The following PTPRG variants were observed in gnomAD, a reference collection of about 807,000 sequenced individuals.
PTPRG encodes receptor-type tyrosine-protein phosphatase gamma.
A neutral mutation model predicts 165.3 loss-of-function variants in PTPRG; 102 were observed. That is an observed-to-expected ratio of 0.62 (90% CI 0.53 to 0.73). PTPRG has a LOEUF of 0.73. Ranked by LOEUF, PTPRG falls within the 30% of genes least tolerant of loss-of-function variation. The pLI, the probability that PTPRG is intolerant of heterozygous loss-of-function variation, is 0.00. For synonymous variants in PTPRG, 675 were observed against 669.5 expected, an observed-to-expected ratio of 1.01 and a Z score of -0.13; for missense variants, 1,866 against 1,861.4, an observed-to-expected ratio of 1.00 and a Z score of -0.05.
chr3:62,194,408 A>G (rs1699909236), intron 9 of PTPRG, among the ~76,000 whole-genome samples: 1 of 152,154 alleles, frequency 6.6e-6, no homozygotes, highest in Non-Finnish European at 1.5e-5. Flanking sequence ...TCAGAACCCC[A>G]CAGCTTGTGA....
At chr3:61,970,407 A>G (rs1324206630) in intron 2 of PTPRG, among the ~76,000 whole-genome samples, 1 of 152,192 alleles carries the variant, frequency 6.6e-6, no homozygotes, top group Non-Finnish European at 1.5e-5. Flanking sequence ...TGAAGAAAAC[A>G]CAGTTGCCTT....
At chr3:62,010,221 A>G (rs2041389051) in intron 4 of PTPRG, among the ~76,000 whole-genome samples, 1 of 152,130 alleles carries the variant, frequency 6.6e-6, no homozygotes. Context: ...CCTGGCCTGG[A>G]AATAAGTGTG....
chr3:61,755,323 T>C (rs748487898), intron 2 of PTPRG, among the ~76,000 whole-genome samples: 2 of 152,170 alleles, frequency 1.3e-5, no homozygotes, highest in Non-Finnish European at 2.9e-5. Context: ...AGAGACCTTC[T>C]GATCGGAAGG....
Position 61,834,499 on chromosome 3 carries a change from T to A in PTPRG, c.190+85517T>A, listed in dbSNP as rs1478179303. 3.3e-5 allele frequency among the ~76,000 whole-genome samples: 5 copies of A among 152,204 alleles called. No individual in the cohort carries two copies. The East Asian group carries it at 7.8e-4, about 24-fold the overall frequency. ...TCGCTTGAGCCCAGGAGTTCAAGAC[T>A]AGCCTAGTGAGATCCTTTTTCTTAA... On this transcript the variant is annotated intron_variant, in intron 2 of 29. Transcript: ENST00000474889.
intron 5 of PTPRG, chr3:62,118,201 TTG>T (rs1330911864): frequency 6.6e-6 from 1 of 152,248 alleles, no homozygotes; most frequent in Non-Finnish European, 1.5e-5. Context: ...AAGGGCCAGA[TTG>T]TAATATTTTT....
chr3:62,197,127 T>C (rs972308463), intron 10 of PTPRG, among the ~76,000 whole-genome samples: 1 of 152,178 alleles, frequency 6.6e-6, no homozygotes, highest in African/African-American at 2.4e-5. Flanking sequence ...GCTGCACAAC[T>C]TTGAGAATGT....
chr3:61,797,581 A>ACCACCCCCCCCCCCCC (rs2035088327), intron 2 of PTPRG, among the ~76,000 whole-genome samples: 2 of 127,368 alleles, frequency 1.6e-5, no homozygotes, highest in African/African-American at 6.0e-5. Flanking sequence ...TTATCTCCAC[A>ACCACCCCCCCCCCCCC]CCCCCCCCCA....
chr3:62,011,108 C>T (rs915965620), intron 4 of PTPRG, among the ~76,000 whole-genome samples: 3 of 152,176 alleles, frequency 2.0e-5, no homozygotes, highest in Admixed American at 6.5e-5. Context: ...TTGTATATGG[C>T]GTGAATTCCT....
intron 29 of PTPRG, 39 bp from the exon 30 acceptor site, chr3:62,293,122 C>A (rs756651779): frequency 6.7e-7 from 1 of 1,490,364 alleles, no homozygotes; most frequent in Non-Finnish European, 9.0e-7. Flanking sequence ...AATCACTAAA[C>A]TGTTCTTTGG....
intron 1 of PTPRG, among the ~76,000 whole-genome samples, chr3:61,622,200 G>T (rs1042591892): frequency 1.3e-5 from 2 of 152,078 alleles, no homozygotes; most frequent in African/African-American, 2.4e-5. Flanking sequence ...CCAACACCTC[G>T]CTCAACAGGT....
intron 1 of PTPRG, among the ~76,000 whole-genome samples, chr3:61,594,610 T>C (rs947351047): frequency 6.6e-6 from 1 of 152,114 alleles, no homozygotes; most frequent in Non-Finnish European, 1.5e-5. Flanking sequence ...ATGTTTTGTG[T>C]GTTGTTAGGT....
chr3:61,747,187 A>G (rs780211568), intron 1 of PTPRG, among the ~76,000 whole-genome samples: 7 of 152,168 alleles, frequency 4.6e-5, no homozygotes, highest in Non-Finnish European at 7.4e-5. Context: ...GCTCACCATA[A>G]CTTGCGTTAT....
chr3:62,177,747 C>G (rs1008780788), intron 8 of PTPRG, among the ~76,000 whole-genome samples: 3 of 152,126 alleles, frequency 2.0e-5, no homozygotes, highest in Non-Finnish European at 2.9e-5. Flanking sequence ...CTAACTGACC[C>G]CTCCTCAGCC....
intron 2 of PTPRG, among the ~76,000 whole-genome samples, chr3:61,979,370 G>A (rs1230228955): frequency 6.6e-6 from 1 of 152,120 alleles, no homozygotes; most frequent in Non-Finnish European, 1.5e-5. Flanking sequence ...TGCCTTGTTT[G>A]CCTTACCCTA....
intron 2 of PTPRG, among the ~76,000 whole-genome samples, chr3:61,799,471 G>A (rs1277560667): frequency 6.6e-6 from 1 of 152,122 alleles, no homozygotes; most frequent in East Asian, 1.9e-4. Flanking sequence ...AGGTTCTGCT[G>A]GACTGCGACA....
chr3:62,259,577 A>T (rs1701632410), intron 16 of PTPRG, among the ~76,000 whole-genome samples: 1 of 152,216 alleles, frequency 6.6e-6, no homozygotes, highest in Non-Finnish European at 1.5e-5. Flanking sequence ...GGTCTTAAAT[A>T]TCTTAAGAAA....
intron 1 of PTPRG, among the ~76,000 whole-genome samples, chr3:61,748,558 G>A (rs535647079): frequency 3.9e-5 from 6 of 152,230 alleles, no homozygotes; most frequent in Admixed American, 3.9e-4. Context: ...ATCCATAAAA[G>A]GGCCCCATTA....
intron 2 of PTPRG, among the ~76,000 whole-genome samples, chr3:61,985,058 A>T (rs1437504130): frequency 1.3e-5 from 2 of 152,194 alleles, no homozygotes; most frequent in Non-Finnish European, 2.9e-5. Flanking sequence ...AACCTTCATC[A>T]TTTGACTAAG....
intron 4 of PTPRG, among the ~76,000 whole-genome samples, chr3:62,021,512 G>C (rs2041690387): frequency 1.3e-5 from 2 of 152,094 alleles, no homozygotes; most frequent in African/African-American, 4.8e-5. Context: ...TACCCTTTTT[G>C]TTAAAATACA....
Sources: gnomAD v4.1 joint callset for allele counts (sites outside exome capture counted in the v4.1 genomes callset) on GRCh38, gnomAD v4.1.1 for gene constraint, MANE v1.5 for transcripts, NCBI Gene and HGNC (gene_info 2026-07-23, HGNC 2026-07-21) for gene names.